DIP2B: variants seen among roughly 807,000 people sequenced by gnomAD.
The protein encoded by DIP2B is DIP2 acetate--CoA ligase B (putative).
Under a neutral mutation model 198.0 loss-of-function variants are expected in DIP2B, and 76 were observed. The ratio of observed to expected loss-of-function variants is 0.38; its 90% confidence interval spans 0.32 to 0.46. The LOEUF (loss-of-function observed/expected upper bound fraction) is 0.46, where lower values mean the gene tolerates loss of function less well. Ranked by LOEUF, DIP2B falls within the 20% of genes least tolerant of loss-of-function variation. The pLI is 0.99. For synonymous variants in DIP2B, 701 were observed against 739.1 expected (o/e 0.95, Z 0.84); for missense variants, 1,559 against 1,978.4 (o/e 0.79, Z 4.02).
Position 50,706,651 on chromosome 12 carries a change from T to C in DIP2B, c.2520T>C (p.Thr840=). 6.2e-7 allele frequency: 1 copy of C among 1,614,020 alleles called. No individual in the cohort carries two copies. The highest frequency in any genetic ancestry group is 8.5e-7 in the Non-Finnish European group (1 of 1,179,934). The change falls in exon 21 of 38, where the codon ACT becomes ACC. Residue 840 remains threonine (T), a synonymous_variant. Coordinates refer to ENST00000301180, the MANE Select transcript of DIP2B (RefSeq NM_173602.3). The part of the protein sequence containing the change: ...ATGLAVESIK[T]VYRGRIAVFS... ...GATTGGCTGTAGAATCAATAAAGAC[T>C]GTTTATAGAGGAAGGTGAGTAGTAC... is the stretch of plus-strand genomic sequence containing the variant.
intron 1 of DIP2B, among the ~76,000 whole-genome samples, chr12:50,591,421 A>G (rs950884973): frequency 6.6e-6 from 1 of 150,948 alleles, no homozygotes; most frequent in Non-Finnish European, 1.5e-5. Context: ...CTTGGGGGTG[A>G]GATCCAAATT....
intron 1 of DIP2B, among the ~76,000 whole-genome samples, chr12:50,534,615 C>T (rs951431319): frequency 7.2e-5 from 11 of 152,220 alleles, no homozygotes; most frequent in Non-Finnish European, 1.2e-4. Context: ...CCACCCACCT[C>T]GGCCTCCCAA....
chr12:50,715,308 G>A (rs1939693950), intron 23 of DIP2B, among the ~76,000 whole-genome samples: 1 of 152,150 alleles, frequency 6.6e-6, no homozygotes, highest in Admixed American at 6.6e-5. Flanking sequence ...ATGGAATGTG[G>A]ATCTGCTTGG....
intron 1 of DIP2B, among the ~76,000 whole-genome samples, chr12:50,552,360 G>A (rs986105984): frequency 6.7e-5 from 10 of 150,200 alleles, no homozygotes; most frequent in Non-Finnish European, 1.0e-4. Context: ...CTCCCCTCCC[G>A]GGTTCATGCC....
At chr12:50,519,967 T>TA (rs1958101149) in intron 1 of DIP2B, among the ~76,000 whole-genome samples, 1 of 151,790 alleles carries the variant, frequency 6.6e-6, no homozygotes, top group Non-Finnish European at 1.5e-5. Context: ...GGCCAGAACT[T>TA]ATGGCTTTTA....
chr12:50,741,814 C>T (rs574622277), intron 37 of DIP2B, among the ~76,000 whole-genome samples: 83 of 152,268 alleles, frequency 5.5e-4, no homozygotes, highest in African/African-American at 2.0e-3. Flanking sequence ...GTGATAGACT[C>T]TCATAATGGG....
intron 4 of DIP2B, among the ~76,000 whole-genome samples, chr12:50,668,923 C>A (rs1208492261): frequency 1.3e-5 from 2 of 152,060 alleles, no homozygotes; most frequent in Non-Finnish European, 2.9e-5. Context: ...GTGATTACTT[C>A]TTTTTTTCTT....
At chr12:50,555,063 T>C (rs1217425424) in intron 1 of DIP2B, among the ~76,000 whole-genome samples, 1 of 152,178 alleles carries the variant, frequency 6.6e-6, no homozygotes, top group Non-Finnish European at 1.5e-5. Context: ...CCACCGCGCC[T>C]GGCTGACATA....
Position 50,704,132 on chromosome 12 carries a change from T to C in DIP2B, c.2326-8T>C, listed in dbSNP as rs776244545. 1 of 1,601,098 alleles carries C rather than the reference T, an allele frequency of 6.2e-7. No individual in the cohort carries two copies. The highest frequency in any genetic ancestry group is 2.3e-5 in the East Asian group (1 of 44,402). On this transcript the variant is annotated splice_region_variant and splice_polypyrimidine_tract_variant and intron_variant, in intron 19 of 37. Coordinates refer to ENST00000301180, the MANE Select transcript of DIP2B (RefSeq NM_173602.3). The stretch of plus-strand genomic sequence containing the variant: ...AAAGTTTTTCACTTACTTCATTTTG[T>C]CTCTTAGGTAATTCCAGTGAATTCT...
chr12:50,612,385 C>T (rs1256090418), intron 1 of DIP2B, among the ~76,000 whole-genome samples: 5 of 151,540 alleles, frequency 3.3e-5, no homozygotes, highest in African/African-American at 7.3e-5. Flanking sequence ...AGGGTGACAT[C>T]TTCTGCCCTC....
At chr12:50,700,904 T>TGG (rs1437750616) in intron 19 of DIP2B, among the ~76,000 whole-genome samples, 3 of 152,198 alleles carry the variant, frequency 2.0e-5, no homozygotes, top group African/African-American at 7.2e-5. Context: ...TGGAATACGG[T>TGG]GGCTCAATCA....
Position 50,505,211 on chromosome 12 carries a change from T to C in DIP2B, c.71T>C (p.Leu24Pro). The change falls in exon 1 of 38, where the codon CTG becomes CCG. Residue 24 changes from leucine to proline, a missense_variant. Physicochemically the swap from Leu to Pro is moderately conservative, Grantham distance 98. Transcript: ENST00000301180. ...CTGCCGCCTGAAGTGCGGGCGCAGC[T>C]GGCGGAGCTGGAGCTGGAGCTCTCG... ...AALPPEVRAQ[L>P]AELELELSEG... 1 of 1,521,000 alleles carries C rather than the reference T, an allele frequency of 6.6e-7. No individual in the cohort carries two copies. Among genetic ancestry groups the C allele is most frequent in the Non-Finnish European group, 8.8e-7 (1 of 1,140,184 alleles). 94.2% of individuals were successfully genotyped at this position (1,521,000 alleles called of 1,614,324 possible).
intron 1 of DIP2B, among the ~76,000 whole-genome samples, chr12:50,602,396 G>A (rs940584602): frequency 2.6e-5 from 4 of 152,062 alleles, no homozygotes; most frequent in African/African-American, 9.7e-5. Flanking sequence ...AGCCTCCCTA[G>A]TAGCTGGGAA....
chr12:50,620,713 C>T (rs2139462581), intron 1 of DIP2B, among the ~76,000 whole-genome samples: 1 of 152,294 alleles, frequency 6.6e-6, no homozygotes, highest in African/African-American at 2.4e-5. Flanking sequence ...TATGATTCTC[C>T]TTTTTGTTCT....
chr12:50,510,662 TGA>T lies in DIP2B; in HGVS notation c.100+5425_100+5426del, dbSNP rs746983212. Among the ~76,000 whole-genome samples the T allele has an allele frequency of 5.0e-3, 675 of 133,716 alleles. 21 individuals are homozygous for T. In the East Asian group the frequency reaches 0.067, roughly 13 times the overall value. The allele number at this position is 133,716 out of a possible 152,430, so 87.7% of individuals were successfully genotyped here. ...TAAAGTACCACCTTTTTTTTTTTTT[TGA>T]GACGGAGTTTCACTCTTGTTGCCCA... On this transcript the variant is annotated intron_variant, in intron 1 of 37. Coordinates refer to ENST00000301180, the MANE Select transcript of DIP2B (RefSeq NM_173602.3).
chr12:50,718,670 C>A, intron 23 of DIP2B, 39 bp from the exon 24 acceptor site: 2 of 1,537,050 alleles, frequency 1.3e-6, no homozygotes, highest in African/African-American at 1.4e-5. Context: ...TAGTTGGAAT[C>A]GCCATCTCCA....
Position 50,519,466 on chromosome 12 carries a change from G to T in DIP2B, c.100+14226G>T, listed in dbSNP as rs139934803. ...TCTATAAAGTGAAAGGTAATTTTAT[G>T]TACTTGTCTTTTGTTGTGAAGTTAC... On this transcript the variant is annotated intron_variant, in intron 1 of 37. Transcript: ENST00000301180. Among the ~76,000 whole-genome samples the T allele has an allele frequency of 4.7e-3, 720 of 152,232 alleles. 8 individuals are homozygous for T. Among genetic ancestry groups the T allele is most frequent in the African/African-American group, 0.016 (681 of 41,536 alleles).
intron 12 of DIP2B, among the ~76,000 whole-genome samples, chr12:50,689,911 A>G (rs1313029250): frequency 6.6e-6 from 1 of 152,132 alleles, no homozygotes; most frequent in Non-Finnish European, 1.5e-5. Context: ...AGAGTAGTCA[A>G]ATTTTGCAGA....
chr12:50,594,818 G>A (rs902226452), intron 1 of DIP2B, among the ~76,000 whole-genome samples: 1 of 152,038 alleles, frequency 6.6e-6, no homozygotes, highest in African/African-American at 2.4e-5. Context: ...GTCTGTCTTG[G>A]TATTATATCA....
Sources: allele counts gnomAD v4.1 joint callset (sites outside exome capture counted in the v4.1 genomes callset), GRCh38; gene constraint gnomAD v4.1.1; transcripts MANE v1.5; gene names NCBI Gene and HGNC (gene_info 2026-07-23, HGNC 2026-07-21).